Variants in ZNF385D observed in about 807,000 individuals in gnomAD.
The protein encoded by ZNF385D is zinc finger protein 659.
Under a neutral mutation model 35.8 loss-of-function variants are expected in ZNF385D, and 15 were observed. The observed-to-expected ratio is 0.42, with a 90% CI of 0.28 to 0.64. ZNF385D has a LOEUF of 0.64. Ranked by LOEUF, ZNF385D falls within the 30% of genes least tolerant of loss-of-function variation. The pLI, the probability that ZNF385D is intolerant of heterozygous loss-of-function variation, is 0.23. For missense variants in ZNF385D, 474 were observed against 494.6 expected (o/e 0.96, Z 0.39); for synonymous variants, 212 against 186.8 (o/e 1.13, Z -1.10).
intron 3 of ZNF385D, among the ~76,000 whole-genome samples, chr3:21,887,753 G>T (rs1429758873): frequency 6.6e-6 from 1 of 151,964 alleles, no homozygotes; most frequent in Non-Finnish European, 1.5e-5. Context: ...AGGCTCTAGG[G>T]AGTCTTAAAT....
At chr3:21,927,896 A>C (rs1700809502) in intron 3 of ZNF385D, among the ~76,000 whole-genome samples, 1 of 152,138 alleles carries the variant, frequency 6.6e-6, no homozygotes, top group East Asian at 1.9e-4. Flanking sequence ...ATAACAGCAC[A>C]ACTAGACAGA....
chr3:21,862,472 T>A (rs998797200), intron 3 of ZNF385D, among the ~76,000 whole-genome samples: 1 of 152,108 alleles, frequency 6.6e-6, no homozygotes, highest in Non-Finnish European at 1.5e-5. Flanking sequence ...ACAAAATGTC[T>A]TCCATAGTCA....
chr3:22,364,644 G>A (rs555717894), intron 2 of ZNF385D, among the ~76,000 whole-genome samples: 1 of 152,198 alleles, frequency 6.6e-6, no homozygotes, highest in African/African-American at 2.4e-5. Context: ...GTATGCTTTT[G>A]GTGGAAATAT....
At chr3:21,826,627 G>C (rs1308993793) in intron 3 of ZNF385D, among the ~76,000 whole-genome samples, 1 of 152,104 alleles carries the variant, frequency 6.6e-6, no homozygotes, top group Non-Finnish European at 1.5e-5. Context: ...TGTGGTCAGA[G>C]ACAGCAGCTA....
At chr3:22,031,970 A>C (rs1038951884) in intron 3 of ZNF385D, among the ~76,000 whole-genome samples, 1 of 152,136 alleles carries the variant, frequency 6.6e-6, no homozygotes, top group Admixed American at 6.5e-5. Flanking sequence ...CATTTCTCTC[A>C]AGTTCAAAGT....
chr3:22,177,675 T>C (rs953156726), intron 2 of ZNF385D, among the ~76,000 whole-genome samples: 2 of 152,218 alleles, frequency 1.3e-5, no homozygotes, highest in Non-Finnish European at 2.9e-5. Flanking sequence ...GTTGGTGTGC[T>C]GTAGCCATTA....
chr3:21,757,120 CTTT>C (rs61226426), intron 3 of ZNF385D, among the ~76,000 whole-genome samples: 14 of 106,420 alleles, frequency 1.3e-4, no homozygotes, highest in East Asian at 7.8e-4. Flanking sequence ...ATAAATTTCT[CTTT>C]TTTTTTTTTT....
rs143335645 is a variant in ZNF385D at position 22,071,598 on chromosome 3, G to C, written c.325+97219C>G. ...TCCTCACTTTCCCTGTAATATTGCAGAGAATAAAAATTATATGATGGGTAA... is the reference window on the plus strand; with the variant it reads ...TCCTCACTTTCCCTGTAATATTGCACAGAATAAAAATTATATGATGGGTAA... On this transcript the variant is annotated intron_variant, in intron 3 of 5. Coordinates refer to the ZNF385D transcript ENST00000494108. 2.6e-4 allele frequency among the ~76,000 whole-genome samples: 39 copies of C among 152,226 alleles called. 2 individuals carry two copies. In the East Asian group the frequency reaches 7.1e-3, roughly 28 times the overall value.
intron 3 of ZNF385D, among the ~76,000 whole-genome samples, chr3:21,801,360 T>A (rs1187152840): frequency 6.6e-6 from 1 of 152,188 alleles, no homozygotes; most frequent in East Asian, 1.9e-4. Flanking sequence ...AAGTGTTAGC[T>A]CCTCTGCCAT....
At chr3:22,127,761 A>G (rs1703522570) in intron 3 of ZNF385D, among the ~76,000 whole-genome samples, 1 of 152,096 alleles carries the variant, frequency 6.6e-6, no homozygotes. Flanking sequence ...CTAAACAAGC[A>G]AAGGAAAAAC....
In ZNF385D at chr3:22,273,992, G is replaced by C. The variant is rs115530378; in HGVS notation, c.106+98458C>G. Among the ~76,000 whole-genome samples the C allele has an allele frequency of 4.4e-3, 673 of 152,124 alleles. 7 individuals are homozygous for C. The highest frequency in any genetic ancestry group is 0.015 in the African/African-American group (640 of 41,566). On this transcript the variant is annotated intron_variant, in intron 2 of 5. Coordinates refer to the ZNF385D transcript ENST00000494108. ...GCCATTAGCAAAGTATATTCTGGTA[G>C]CATTTGGATACTACTCATCAAAGAA...
At chr3:21,855,463 C>T (rs1662662532) in intron 3 of ZNF385D, among the ~76,000 whole-genome samples, 1 of 152,022 alleles carries the variant, frequency 6.6e-6, no homozygotes, top group Non-Finnish European at 1.5e-5. Context: ...TAAGATCTTC[C>T]TCGGCATCTC....
At chr3:22,110,922 C>T (rs1365007161) in intron 3 of ZNF385D, among the ~76,000 whole-genome samples, 1 of 151,808 alleles carries the variant, frequency 6.6e-6, no homozygotes, top group African/African-American at 2.4e-5. Flanking sequence ...AATATAAAGA[C>T]AAGAAATGTA....
chr3:22,174,243 T>G (rs1009575391), intron 2 of ZNF385D, among the ~76,000 whole-genome samples: 1 of 152,192 alleles, frequency 6.6e-6, no homozygotes, highest in African/African-American at 2.4e-5. Flanking sequence ...GTGTTTTATC[T>G]CAACTTTAAC....
intron 2 of ZNF385D, among the ~76,000 whole-genome samples, chr3:22,189,992 C>G (rs1439968982): frequency 6.6e-6 from 1 of 152,096 alleles, no homozygotes; most frequent in Non-Finnish European, 1.5e-5. Context: ...AATTCTAACA[C>G]ACTTTTGCCC....
intron 2 of ZNF385D, among the ~76,000 whole-genome samples, chr3:21,583,449 A>T (rs993996672): frequency 3.9e-5 from 6 of 152,296 alleles, no homozygotes; most frequent in Middle Eastern, 3.4e-3. Context: ...CAACAAATAC[A>T]AGGGTACAAA....
At chr3:21,989,981 T>C (rs1695059609) in intron 3 of ZNF385D, among the ~76,000 whole-genome samples, 1 of 152,178 alleles carries the variant, frequency 6.6e-6, no homozygotes, top group Non-Finnish European at 1.5e-5. Context: ...CACAACAATT[T>C]CCACCTATCT....
intron 3 of ZNF385D, among the ~76,000 whole-genome samples, chr3:21,859,029 T>C (rs981775145): frequency 6.6e-6 from 1 of 151,916 alleles, no homozygotes; most frequent in Non-Finnish European, 1.5e-5. Flanking sequence ...CTCATACATA[T>C]AACGGGGGGA....
At chr3:21,607,168 A>C (rs956345429) in intron 2 of ZNF385D, among the ~76,000 whole-genome samples, 2 of 152,178 alleles carry the variant, frequency 1.3e-5, no homozygotes, top group African/African-American at 4.8e-5. Context: ...CTCAAATACA[A>C]ATATATATAG....
Sources: gnomAD v4.1 joint callset for allele counts (sites outside exome capture counted in the v4.1 genomes callset) on GRCh38, gnomAD v4.1.1 for gene constraint, MANE v1.5 for transcripts, NCBI Gene and HGNC (gene_info 2026-07-23, HGNC 2026-07-21) for gene names.